LAMB1: variants seen among roughly 807,000 people sequenced by gnomAD.
The protein encoded by LAMB1 is laminin subunit beta 1, also known as laminin subunit beta-1.
In LAMB1, 121 loss-of-function variants were observed where a neutral mutation model predicts 222.3. That is an observed-to-expected ratio of 0.54 (90% CI 0.47 to 0.63). The LOEUF is 0.63. Among genes scored for constraint, LAMB1 ranks in the 30% least tolerant of loss-of-function variants. LAMB1 has a pLI of 0.00. For missense variants in LAMB1, 2,172 were observed against 2,240.8 expected (o/e 0.97, Z 0.62); for synonymous variants, 794 against 807.2 (o/e 0.98, Z 0.28).
At chr7:107,957,408 A>G (rs1162116926) in intron 20 of LAMB1, among the ~76,000 whole-genome samples, 4 of 151,780 alleles carry the variant, frequency 2.6e-5, no homozygotes, top group Non-Finnish European at 5.9e-5. Flanking sequence ...ACAAACAACA[A>G]CAACAACAAA....
At chr7:107,947,677 TCTCA>T (rs921003850) in intron 24 of LAMB1, among the ~76,000 whole-genome samples, 6 of 152,172 alleles carry the variant, frequency 3.9e-5, no homozygotes, top group African/African-American at 1.4e-4. Flanking sequence ...TCAAATCAAT[TCTCA>T]CTCTCTCTGG....
chr7:107,952,179 C>T lies in LAMB1; in HGVS notation c.3124G>A (p.Gly1042Ser), dbSNP rs149204722. The T allele has an allele frequency of 2.4e-4, 393 of 1,613,056 alleles. 2 individuals carry two copies. The East Asian group carries it at 3.1e-3, about 13-fold the overall frequency. Residue 1042 changes from glycine to serine, a missense_variant, in exon 23 of 34, where the codon GGC (glycine) becomes AGC (serine). Transcript: ENST00000222399. ...GCTTTGTCGCACTGGCAGTCAGAGC[C>T]GTTACAGTGCTCTTGCACGGTGCCC... is the stretch of plus-strand genomic sequence containing the variant. ...YLGTVQEHCN[G>S]SDCQCDKATG...
At chr7:107,935,794 AC>A (rs2032834415) in intron 26 of LAMB1, 138 bp from the exon 27 acceptor site, 1 of 981,156 alleles carries the variant, frequency 1.0e-6, no homozygotes, top group Non-Finnish European at 1.5e-6. Flanking sequence ...TTTATGAAGT[AC>A]AGTTTTCATG....
intron 31 of LAMB1, 131 bp downstream of exon 31, chr7:107,928,933 A>G (rs1206926467): frequency 1.2e-6 from 1 of 863,024 alleles, no homozygotes; most frequent in Non-Finnish European, 1.9e-6. Context: ...CTAACGGAGT[A>G]GTTTAGATTT....
At chr7:107,971,074 A>G (rs1427763987) in intron 13 of LAMB1, among the ~76,000 whole-genome samples, 3 of 152,186 alleles carry the variant, frequency 2.0e-5, no homozygotes. Flanking sequence ...TGTCAATATA[A>G]TAGACATGGA....
chr7:107,974,418 TGG>T (rs1012170521), intron 12 of LAMB1, among the ~76,000 whole-genome samples: 8 of 152,254 alleles, frequency 5.3e-5, no homozygotes, highest in African/African-American at 1.9e-4. Context: ...TCATTTTCAG[TGG>T]CAACCAAATA....
In LAMB1 at chr7:107,953,658, G is replaced by C. The variant is rs373568948; in HGVS notation, c.2951C>G (p.Thr984Arg). The change falls in exon 22 of 34, where the codon ACG (threonine) becomes AGG (arginine). Residue 984 changes from threonine to arginine, a missense_variant. By Grantham distance (71) the Thr-to-Arg change is moderately conservative (BLOSUM62 -1). Transcript: ENST00000222399. ...QPCQCHNNID[T>R]TDPEACDKET... Reference sequence around the variant, plus strand: ...CTTGTCACAGGCTTCTGGGTCTGTCGTGTCAATGTTGTTGTGACACTGGCA... The same window carrying C: ...CTTGTCACAGGCTTCTGGGTCTGTCCTGTCAATGTTGTTGTGACACTGGCA... The C allele has an allele frequency of 1.2e-4, 195 of 1,614,008 alleles. No individual in the cohort carries two copies. Among genetic ancestry groups the C allele is most frequent in the Non-Finnish European group, 1.6e-4 (189 of 1,180,030 alleles).
At chr7:107,994,558 CA>C in intron 5 of LAMB1, among the ~76,000 whole-genome samples, 1 of 152,088 alleles carries the variant, frequency 6.6e-6, no homozygotes, top group East Asian at 1.9e-4. Context: ...CACAAGGGAC[CA>C]GGGATTTACT....
rs200985147 is a variant in LAMB1, at chr7:107,931,513, A to G, written c.4393-13T>C. The stretch of plus-strand genomic sequence containing the variant: ...TTGCTTCAGAGACCTAAATATGAAG[A>G]ATAAATTACCCAGGGAAGACTTTCA... On this transcript the variant is annotated splice_polypyrimidine_tract_variant and intron_variant, in intron 28 of 33. Coordinates refer to ENST00000222399, the MANE Select transcript of LAMB1 (RefSeq NM_002291.3). 1.2e-6 allele frequency: 2 copies of G among 1,610,614 alleles called. No individual in the cohort carries two copies. Among genetic ancestry groups the G allele is most frequent in the African/African-American group, 2.7e-5 (2 of 74,936 alleles).
chr7:107,923,832 A>G lies in LAMB1; in HGVS notation c.*119T>C, dbSNP rs2032487489. ...AAAGCACTGTACTTTATTTAACTCCATACAAAATGTGATTAAAAACATTAA... is the reference window on the plus strand; with the variant it reads ...AAAGCACTGTACTTTATTTAACTCCGTACAAAATGTGATTAAAAACATTAA... On this transcript the variant is annotated 3_prime_UTR_variant, in exon 34 of 34. Coordinates refer to ENST00000222399, the MANE Select transcript of LAMB1 (RefSeq NM_002291.3). The G allele has an allele frequency of 2.1e-6, 2 of 962,442 alleles. No individual in the cohort carries two copies. The highest frequency in any genetic ancestry group is 2.7e-5 in the Admixed American group (1 of 37,390). 59.6% of individuals were successfully genotyped at this position (962,442 alleles called of 1,614,324 possible). A position where few individuals can be genotyped will look rare whatever the true frequency, so the allele number is the denominator to read the frequency against.
rs2032828391 is a variant in LAMB1, at chr7:107,935,562, C to T, written c.4041G>A (p.Glu1347=). The change falls in exon 27 of 34, where the codon GAG becomes GAA. Residue 1347 remains glutamate (E), a synonymous_variant. Transcript: ENST00000222399. The part of the protein sequence containing the change: ...ASTTEPNSTV[E]QSALMRDRVE... Reference sequence around the variant, plus strand: ...CTCTGTCTCTCATGAGGGCTGACTGCTCCACAGTGCTGTTGGGTTCTGTGG... The same window carrying T: ...CTCTGTCTCTCATGAGGGCTGACTGTTCCACAGTGCTGTTGGGTTCTGTGG... The T allele has an allele frequency of 6.2e-7, 1 of 1,613,970 alleles. No individual in the cohort carries two copies. The highest frequency in any genetic ancestry group is 2.2e-5 in the East Asian group (1 of 44,866).
intron 15 of LAMB1, among the ~76,000 whole-genome samples, chr7:107,962,204 G>A (rs1312090778): frequency 1.3e-5 from 2 of 152,194 alleles, no homozygotes; most frequent in Non-Finnish European, 2.9e-5. Flanking sequence ...GGCTCGGGCT[G>A]GCTGGTGCAT....
intron 14 of LAMB1, among the ~76,000 whole-genome samples, 155 bp from the exon 15 acceptor site, chr7:107,963,218 A>T (rs747423019): frequency 3.3e-5 from 5 of 152,338 alleles, no homozygotes; most frequent in Middle Eastern, 3.4e-3. Context: ...GATTGTAAAA[A>T]GTTTCTGATA....
chr7:107,983,547 C>CTTTTT lies in LAMB1; in HGVS notation c.676+2470_676+2474dup, dbSNP rs11458116. ...TCCAGGACTTTGTGACTCCAAAGCC[C>CTTTTT]TTTTTTTTTTTTTTTTTTTTTTTGA... is the stretch of plus-strand genomic sequence containing the variant. On this transcript the variant is annotated intron_variant, in intron 7 of 33. Coordinates refer to ENST00000222399, the MANE Select transcript of LAMB1 (RefSeq NM_002291.3). Among the ~76,000 whole-genome samples the CTTTTT allele has an allele frequency of 1.3e-3, 142 of 111,136 alleles. 1 individual carries two copies. Among genetic ancestry groups the CTTTTT allele is most frequent in the African/African-American group, 4.2e-3 (118 of 27,990 alleles). 72.9% of individuals were successfully genotyped at this position (111,136 alleles called of 152,430 possible).
At chr7:107,936,979 A>G (rs2032862266) in intron 26 of LAMB1, 114 bp downstream of exon 26, 1 of 882,538 alleles carries the variant, frequency 1.1e-6, no homozygotes, top group Admixed American at 2.6e-5. Flanking sequence ...TGGATGAGCA[A>G]AAGTTTTAAA....
In LAMB1 at chr7:107,923,910, G is replaced by T; in HGVS notation, c.*41C>A. 6.4e-7 allele frequency: 1 copy of T among 1,559,186 alleles called. No individual in the cohort carries two copies. On this transcript the variant is annotated 3_prime_UTR_variant, in exon 34 of 34. Coordinates refer to ENST00000222399, the MANE Select transcript of LAMB1 (RefSeq NM_002291.3). ...TTAAGTCAGTTTTTAAAATGTAGTT[G>T]TTTTACCTTGTTCACCTCAGCCATT... is the stretch of plus-strand genomic sequence containing the variant.
chr7:107,983,817 G>T (rs537369551), intron 7 of LAMB1, among the ~76,000 whole-genome samples: 1 of 151,868 alleles, frequency 6.6e-6, no homozygotes, highest in African/African-American at 2.4e-5. Flanking sequence ...CGCCCAGTGA[G>T]CCCATTCTTT....
chr7:107,976,177 C>G (rs186215054), intron 9 of LAMB1, among the ~76,000 whole-genome samples: 15 of 152,320 alleles, frequency 9.8e-5, no homozygotes, highest in Admixed American at 7.8e-4. Flanking sequence ...AAGTGTATGA[C>G]AGAGGATGGC....
intron 32 of LAMB1, among the ~76,000 whole-genome samples, chr7:107,925,902 A>G (rs1042696619): frequency 2.7e-5 from 4 of 148,292 alleles, no homozygotes; most frequent in Admixed American, 2.7e-4. Flanking sequence ...TTGGTTTAAA[A>G]AAAAAAAAAA....
Sources: gnomAD v4.1 joint callset for allele counts (sites outside exome capture counted in the v4.1 genomes callset) on GRCh38, gnomAD v4.1.1 for gene constraint, MANE v1.5 for transcripts, NCBI Gene and HGNC (gene_info 2026-07-23, HGNC 2026-07-21) for gene names.